CDH4: variants seen among roughly 807,000 people sequenced by gnomAD.
CDH4 encodes the protein cadherin-4.
In CDH4, 33 loss-of-function variants were observed where a neutral mutation model predicts 86.0. That is an observed-to-expected ratio of 0.38 (90% CI 0.29 to 0.51). The LOEUF is 0.51. CDH4 is among the 20% of genes least tolerant of loss of function. The pLI is 0.86. For missense variants in CDH4, 1,114 were observed against 1,307.4 expected (o/e 0.85, Z 2.28); for synonymous variants, 555 against 549.4 (o/e 1.01, Z -0.14).
chr20:61,329,484 C>T (rs888728533), intron 2 of CDH4, among the ~76,000 whole-genome samples: 2 of 140,022 alleles, frequency 1.4e-5, no homozygotes, highest in South Asian at 4.6e-4. Flanking sequence ...CTGTGAGTGG[C>T]TCTTCTGCCC....
At chr20:61,636,032 C>T (rs928057068) in intron 2 of CDH4, among the ~76,000 whole-genome samples, 46 of 152,358 alleles carry the variant, frequency 3.0e-4, no homozygotes, top group South Asian at 6.2e-4. Context: ...GCAGGCAGGA[C>T]GCCAGCGGCT....
intron 2 of CDH4, among the ~76,000 whole-genome samples, chr20:61,296,276 CGTGG>C (rs2084353014): frequency 3.7e-5 from 2 of 53,716 alleles, no homozygotes; most frequent in African/African-American, 1.3e-4. Context: ...TGTGTGTGTG[CGTGG>C]GTGCGTGTGT....
intron 2 of CDH4, among the ~76,000 whole-genome samples, chr20:61,336,015 A>G (rs1254249699): frequency 1.3e-5 from 2 of 152,126 alleles, no homozygotes; most frequent in African/African-American, 2.4e-5. Flanking sequence ...CCAGTGTGAG[A>G]GAATCTCAAG....
intron 4 of CDH4, among the ~76,000 whole-genome samples, chr20:61,821,311 CCT>C (rs1188245745): frequency 7.2e-6 from 1 of 138,288 alleles, no homozygotes; most frequent in African/African-American, 2.7e-5. Flanking sequence ...CAGTCAGTCC[CCT>C]CTCACTCCCT....
chr20:61,621,540 G>C (rs1315044709), intron 2 of CDH4, among the ~76,000 whole-genome samples: 2 of 152,196 alleles, frequency 1.3e-5, no homozygotes, highest in African/African-American at 4.8e-5. Flanking sequence ...GCCTGCCTCT[G>C]TCAGGCAGGG....
At chr20:61,875,024 G>A (rs1398419557) in intron 7 of CDH4, among the ~76,000 whole-genome samples, 1 of 152,200 alleles carries the variant, frequency 6.6e-6, no homozygotes, top group African/African-American at 2.4e-5. Context: ...AGCTGGGGCT[G>A]CCAACCTGTC....
chr20:61,841,551 G>A (rs973594995), intron 4 of CDH4, among the ~76,000 whole-genome samples: 1 of 152,196 alleles, frequency 6.6e-6, no homozygotes, highest in East Asian at 1.9e-4. Context: ...TTAAGGCTCC[G>A]TTGGAGGCTT....
At chr20:61,593,450 A>G (rs544905980) in intron 2 of CDH4, among the ~76,000 whole-genome samples, 137 of 152,256 alleles carry the variant, frequency 9.0e-4, no homozygotes, top group Non-Finnish European at 1.6e-3. Context: ...TGGCTGTGCC[A>G]TTTTCCATTC....
intron 2 of CDH4, chr20:61,369,941 G>T (rs1212023215): frequency 3.3e-5 from 5 of 152,454 alleles, no homozygotes; most frequent in Admixed American, 1.3e-4. Flanking sequence ...TGGCATCCTG[G>T]GGACAGCAGA....
chr20:61,496,506 A>G (rs890432626), intron 2 of CDH4, among the ~76,000 whole-genome samples: 11 of 152,210 alleles, frequency 7.2e-5, no homozygotes, highest in Non-Finnish European at 1.3e-4. Context: ...GCGTTTCAAG[A>G]TAAAAGTGCA....
intron 2 of CDH4, among the ~76,000 whole-genome samples, chr20:61,302,839 G>A (rs959864536): frequency 2.0e-5 from 3 of 152,220 alleles, no homozygotes; most frequent in Admixed American, 6.5e-5. Context: ...ATCCTGGTTG[G>A]TGCCATAGAA....
At chr20:61,749,814 G>A (rs1053735132) in intron 3 of CDH4, among the ~76,000 whole-genome samples, 2 of 152,114 alleles carry the variant, frequency 1.3e-5, no homozygotes, top group African/African-American at 4.8e-5. Flanking sequence ...TAATCCCAGC[G>A]CTTTGGGAGG....
intron 3 of CDH4, among the ~76,000 whole-genome samples, chr20:61,769,809 T>G (rs1469610235): frequency 6.6e-6 from 1 of 152,226 alleles, no homozygotes; most frequent in Non-Finnish European, 1.5e-5. Flanking sequence ...TTGGCGTTAT[T>G]TCAAGCCACT....
At chr20:61,492,283 GTGGTGTTGATGT>G (rs989863310) in intron 2 of CDH4, among the ~76,000 whole-genome samples, 6 of 151,342 alleles carry the variant, frequency 4.0e-5, no homozygotes, top group Non-Finnish European at 8.9e-5. Flanking sequence ...GTTGATGTTG[GTGGTGTTGATGT>G]TGGTGTTGAT....
At chr20:61,839,098 G>A (rs1600701022) in intron 4 of CDH4, among the ~76,000 whole-genome samples, 1 of 152,216 alleles carries the variant, frequency 6.6e-6, no homozygotes, top group South Asian at 2.1e-4. Context: ...TATCATAGAA[G>A]GAGAAAGCTG....
intron 4 of CDH4, among the ~76,000 whole-genome samples, chr20:61,800,110 A>G (rs975982826): frequency 6.6e-6 from 1 of 152,140 alleles, no homozygotes; most frequent in Non-Finnish European, 1.5e-5. Flanking sequence ...TGGGGCCAGC[A>G]TCCTCTACTC....
Position 61,703,168 on chromosome 20 carries a change from G to A in CDH4, c.170-40395G>A, listed in dbSNP as rs1020799818. Among the ~76,000 whole-genome samples, 1 of 152,166 alleles carries A rather than the reference G, an allele frequency of 6.6e-6. No homozygotes were observed. The highest frequency in any genetic ancestry group is 1.5e-5 in the Non-Finnish European group (1 of 68,036). The stretch of plus-strand genomic sequence containing the variant: ...GAGACCAAGCTGTGATCAGAAGTGG[G>A]GGCTCTTGGACGAGCTCAGAACACA... On this transcript the variant is annotated intron_variant, in intron 2 of 15. Transcript: ENST00000614565. This position sits in a 1 kb window ranked among gnomAD's most constrained non-coding sequence, Gnocchi z 4.3.
chr20:61,745,935 G>T (rs1438557175), intron 3 of CDH4, among the ~76,000 whole-genome samples: 1 of 152,192 alleles, frequency 6.6e-6, no homozygotes, highest in Non-Finnish European at 1.5e-5. Flanking sequence ...TCTGCAGAAG[G>T]GGCAGGCCCA....
At chr20:61,673,613 T>C (rs1412010028) in intron 2 of CDH4, among the ~76,000 whole-genome samples, 8 of 152,216 alleles carry the variant, frequency 5.3e-5, no homozygotes. Context: ...AGGCCGCCCG[T>C]TCTTGAATAT....
Sources: gnomAD v4.1 joint callset for allele counts (sites outside exome capture counted in the v4.1 genomes callset) on GRCh38, gnomAD v4.1.1 for gene constraint, Gnocchi (gnomAD v3.1) non-coding constraint, MANE v1.5 for transcripts, NCBI Gene and HGNC (gene_info 2026-07-23, HGNC 2026-07-21) for gene names.